CFAP20DC: variants seen among roughly 807,000 people sequenced by gnomAD.
CFAP20DC encodes protein CFAP20DC.
Under a neutral mutation model 101.7 loss-of-function variants are expected in CFAP20DC, and 84 were observed. That is an observed-to-expected ratio of 0.83 (90% CI 0.69 to 0.99). The LOEUF is 0.99. Among genes scored for constraint, CFAP20DC ranks in the 50% least tolerant of loss-of-function variants. The pLI is 0.00. For missense variants in CFAP20DC, 1,007 were observed against 970.3 expected (o/e 1.04, Z -0.50); for synonymous variants, 359 against 351.2 (o/e 1.02, Z -0.25).
intron 5 of CFAP20DC, among the ~76,000 whole-genome samples, chr3:58,931,862 A>G (rs2086743880): frequency 6.6e-6 from 1 of 152,250 alleles, no homozygotes; most frequent in Non-Finnish European, 1.5e-5. Context: ...TAAAAAGCAG[A>G]GCACCTCTCC....
intron 15 of CFAP20DC, among the ~76,000 whole-genome samples, chr3:58,796,645 G>C (rs1298056982): frequency 6.6e-6 from 1 of 152,070 alleles, no homozygotes; most frequent in Non-Finnish European, 1.5e-5. Context: ...TCTCTCTCTA[G>C]CTCTTGAGAC....
Position 58,971,100 on chromosome 3 carries a change from C to G in CFAP20DC, c.279-33338G>C, listed in dbSNP as rs1193830253. On this transcript the variant is annotated intron_variant, in intron 4 of 16. Transcript: ENST00000482387. The surrounding 1 kb of genome is among the most constrained non-coding windows in gnomAD (Gnocchi z 4.1). ...TTTAGGAGATATCAAGCACTGTAAC[C>G]TTTTGTTAATACACAGATGTAGGAC... Among the ~76,000 whole-genome samples the G allele has an allele frequency of 1.3e-5, 2 of 152,106 alleles. No individual in the cohort carries two copies. Among genetic ancestry groups the G allele is most frequent in the Admixed American group, 1.3e-4 (2 of 15,248 alleles).
intron 4 of CFAP20DC, among the ~76,000 whole-genome samples, chr3:58,948,020 T>A (rs555866892): frequency 6.6e-6 from 1 of 152,200 alleles, no homozygotes; most frequent in East Asian, 1.9e-4. Context: ...ATTTCCAAGT[T>A]GTATATTGGA....
At chr3:58,836,014 C>T (rs543457437) in intron 13 of CFAP20DC, among the ~76,000 whole-genome samples, 4 of 152,222 alleles carry the variant, frequency 2.6e-5, no homozygotes, top group South Asian at 4.1e-4. Context: ...GTCCTAGGAA[C>T]GAGGCAATGG....
intron 13 of CFAP20DC, among the ~76,000 whole-genome samples, chr3:58,834,865 C>A (rs780703163): frequency 1.3e-5 from 2 of 151,952 alleles, no homozygotes; most frequent in Non-Finnish European, 2.9e-5. Context: ...TAAATATATG[C>A]ACAAACATTT....
At chr3:58,931,426 T>C (rs1032910894) in intron 5 of CFAP20DC, among the ~76,000 whole-genome samples, 11 of 152,204 alleles carry the variant, frequency 7.2e-5, no homozygotes, top group Admixed American at 7.2e-4. Flanking sequence ...GCAGTGGTTC[T>C]CCCAGCACAC....
chr3:58,943,391 T>C (rs1024688709), intron 4 of CFAP20DC, among the ~76,000 whole-genome samples: 1 of 152,182 alleles, frequency 6.6e-6, no homozygotes, highest in African/African-American at 2.4e-5. Context: ...CAGGAATCTT[T>C]GCCGTTCTGC....
chr3:58,870,485 G>A lies in CFAP20DC; in HGVS notation c.716-176C>T, dbSNP rs574362123. Among the ~76,000 whole-genome samples the A allele has an allele frequency of 1.5e-4, 23 of 150,762 alleles. No homozygotes were observed. The South Asian group carries it at 1.7e-3, about 11-fold the overall frequency. On this transcript the variant is annotated intron_variant, in intron 7 of 16. Transcript: ENST00000482387. Reference sequence around the variant, plus strand: ...CCAACATCAGAGATACATACAAGACGTATAGAATTAGGATCTCGGCAGTAT... The same window carrying A: ...CCAACATCAGAGATACATACAAGACATATAGAATTAGGATCTCGGCAGTAT...
At chr3:59,032,963 T>C (rs1353909652) in intron 4 of CFAP20DC, among the ~76,000 whole-genome samples, 1 of 152,114 alleles carries the variant, frequency 6.6e-6, no homozygotes, top group Non-Finnish European at 1.5e-5. Flanking sequence ...AGCTGGCATC[T>C]GGCAGGTGTG....
chr3:58,720,984 A>G (rs2067465326), intron 3 of CFAP20DC, among the ~76,000 whole-genome samples: 1 of 152,160 alleles, frequency 6.6e-6, no homozygotes, highest in Admixed American at 6.5e-5. Flanking sequence ...GCGGGAGAGG[A>G]GAAGCACTTG....
In CFAP20DC at chr3:59,009,287, A is replaced by G. The variant is rs181981695; in HGVS notation, c.278+30270T>C. Among the ~76,000 whole-genome samples, 213 of 152,324 alleles carry G rather than the reference A, an allele frequency of 1.4e-3. 1 individual carries two copies. The highest frequency in any genetic ancestry group is 4.9e-3 in the African/African-American group (205 of 41,586). ...CAAAACAGGGTCCTACAATACCCCA[A>G]AAAGATCACACTAGCTCCCCAGCAA... On this transcript the variant is annotated intron_variant, in intron 4 of 16. Transcript: ENST00000482387.
chr3:58,734,500 T>C, intron 3 of CFAP20DC: 1 of 455,710 alleles, frequency 2.2e-6, no homozygotes. Context: ...TCTTCGGTGG[T>C]CCATTTGTCA....
chr3:58,912,974 T>C lies in CFAP20DC; in HGVS notation c.550+734A>G, dbSNP rs2084304058. Among the ~76,000 whole-genome samples, 1 of 152,150 alleles carries C rather than the reference T, an allele frequency of 6.6e-6. No homozygotes were observed. Among genetic ancestry groups the C allele is most frequent in the South Asian group, 2.1e-4 (1 of 4,822 alleles). ...TGCACACCCTTCCTAATTTGATGACTTTCCCACACAATGAGTCCTGCCTCC... is the reference window on the plus strand; with the variant it reads ...TGCACACCCTTCCTAATTTGATGACCTTCCCACACAATGAGTCCTGCCTCC... On this transcript the variant is annotated intron_variant, in intron 6 of 16. Coordinates refer to ENST00000482387, the MANE Select transcript of CFAP20DC (RefSeq NM_001394063.1). The surrounding 1 kb of genome is among the most constrained non-coding windows in gnomAD (Gnocchi z 4.4).
intron 5 of CFAP20DC, among the ~76,000 whole-genome samples, chr3:58,918,431 G>A (rs1038579684): frequency 1.3e-5 from 2 of 152,034 alleles, no homozygotes; most frequent in African/African-American, 2.4e-5. Context: ...AAAAAAGCTG[G>A]AACCAGGTTC....
intron 7 of CFAP20DC, among the ~76,000 whole-genome samples, chr3:58,873,535 C>G (rs1156258084): frequency 2.8e-5 from 4 of 141,926 alleles, no homozygotes; most frequent in African/African-American, 1.1e-4. Context: ...ATCAGCTATG[C>G]TGGATGGTAT....
chr3:58,841,428 AC>A (rs1249836131), intron 13 of CFAP20DC, among the ~76,000 whole-genome samples: 6 of 152,222 alleles, frequency 3.9e-5, no homozygotes, highest in African/African-American at 1.4e-4. Context: ...AAAATAATTT[AC>A]AAATTCATTT....
intron 14 of CFAP20DC, among the ~76,000 whole-genome samples, chr3:58,828,377 T>C (rs977889425): frequency 1.3e-5 from 2 of 152,210 alleles, no homozygotes; most frequent in Non-Finnish European, 2.9e-5. Context: ...CTGAGGCTCC[T>C]AACCACCAGG....
At position 58,863,390 on chromosome 3, in the gene CFAP20DC, T is replaced by G; in HGVS notation, c.1593+168A>C. The G allele has an allele frequency of 7.1e-7, 1 of 1,409,598 alleles. No individual in the cohort carries two copies. Among genetic ancestry groups the G allele is most frequent in the Non-Finnish European group, 9.2e-7 (1 of 1,086,690 alleles). The allele number at this position is 1,409,598 out of a possible 1,614,324, so 87.3% of individuals were successfully genotyped here. A position where few individuals can be genotyped will look rare whatever the true frequency, so the allele number is the denominator to read the frequency against. On this transcript the variant is annotated intron_variant, in intron 12 of 16. Transcript: ENST00000482387. This position sits in a 1 kb window ranked among gnomAD's most constrained non-coding sequence, Gnocchi z 5.9. ...TTAATTAAAAAAAAAAAAAGACAGT[T>G]TAAAGTTACCATAACAACCTGATGC...
At position 59,002,776 on chromosome 3, in the gene CFAP20DC, C is replaced by T. The variant is rs2093344344; in HGVS notation, c.278+36781G>A. Among the ~76,000 whole-genome samples the T allele has an allele frequency of 6.6e-6, 1 of 152,130 alleles. No homozygotes were observed. The highest frequency in any genetic ancestry group is 1.5e-5 in the Non-Finnish European group (1 of 68,008). ...TTTTAAGTAAATATAAAAAAGAGAG[C>T]ATTTGTGACCTTCTTTTAACAAGAA... On this transcript the variant is annotated intron_variant, in intron 4 of 16. Transcript: ENST00000482387. The surrounding 1 kb of genome is among the most constrained non-coding windows in gnomAD (Gnocchi z 4.5).
Sources: allele counts gnomAD v4.1 joint callset (sites outside exome capture counted in the v4.1 genomes callset), GRCh38; gene constraint gnomAD v4.1.1; non-coding constraint Gnocchi (gnomAD v3.1); transcripts MANE v1.5; gene names NCBI Gene and HGNC (gene_info 2026-07-23, HGNC 2026-07-21).